The following SLC6A13 variants were observed in gnomAD, a reference collection of about 807,000 sequenced individuals.
SLC6A13 encodes sodium- and chloride-dependent GABA transporter 2.
In SLC6A13, 69 loss-of-function variants were observed where a neutral mutation model predicts 72.9. The ratio of observed to expected loss-of-function variants is 0.95; its 90% CI spans 0.78 to 1.16. SLC6A13 has a LOEUF of 1.16. Among genes scored for constraint, SLC6A13 ranks in the 50% most tolerant of loss-of-function variants. The probability of loss-of-function intolerance (pLI) is 0.00; values close to 1 mark genes in which losing one functional copy is unlikely to be tolerated. For missense variants in SLC6A13, 735 were observed against 760.5 expected (o/e 0.97, Z 0.39); for synonymous variants, 303 against 303.0 (o/e 1.00, Z 0.00).
At chr12:238,137 T>C in intron 4 of SLC6A13, 127 bp from the exon 5 acceptor site, 1 of 1,549,506 alleles carries the variant, frequency 6.5e-7, no homozygotes, top group Non-Finnish European at 8.7e-7. Context: ...AGGCTAAGGT[T>C]ATCTGTACAA....
At position 223,412 on chromosome 12, in the gene SLC6A13, C is replaced by T. The variant is rs555673341; in HGVS notation, c.1312-178G>A. On this transcript the variant is annotated intron_variant, in intron 11 of 14. Transcript: ENST00000343164. ...CATAAAGCATGAGGCGGATATGAGA[C>T]GCTAATTATTTTTATTATTTTTTGG... Among the ~76,000 whole-genome samples, 25 of 142,544 alleles carry T rather than the reference C, an allele frequency of 1.8e-4. No homozygotes were observed. In the South Asian group the frequency reaches 3.1e-3, roughly 17 times the overall value. The allele number at this position is 142,544 out of a possible 152,430, so 93.5% of individuals were successfully genotyped here. A position where few individuals can be genotyped will look rare whatever the true frequency, so the allele number is the denominator to read the frequency against.
chr12:235,013 C>T, intron 7 of SLC6A13, 77 bp downstream of exon 7: 1 of 1,566,474 alleles, frequency 6.4e-7, no homozygotes, highest in Non-Finnish European at 8.8e-7. Context: ...GCGGGGGTTC[C>T]CCGTCAGAGT....
At chr12:246,694 A>C (rs1426063419) in intron 2 of SLC6A13, among the ~76,000 whole-genome samples, 1 of 152,180 alleles carries the variant, frequency 6.6e-6, no homozygotes, top group African/African-American at 2.4e-5. Flanking sequence ...AAACTATCTA[A>C]AATAAAACAC....
rs1185922525 is a variant in SLC6A13 at position 259,914 on chromosome 12, C to T, written c.139G>A (p.Gly47Arg). ...ACGTTGCCTAAGCCAATGATCTCCC[C>T]AGCCACTGACAGCACAAACTCCATC... ...NKMEFVLSVA[G>R]EIIGLGNVWR... Residue 47 changes from glycine to arginine, a missense_variant, in exon 2 of 15, where the codon GGG becomes AGG. Coordinates refer to ENST00000343164, the MANE Select transcript of SLC6A13 (RefSeq NM_016615.5). 2 of 1,614,212 alleles carry T rather than the reference C, an allele frequency of 1.2e-6. No individual in the cohort carries two copies. Among genetic ancestry groups the T allele is most frequent in the Admixed American group, 1.7e-5 (1 of 60,022 alleles).
rs2137253022 is a variant in SLC6A13, at chr12:224,492, G to A, written c.1082C>T (p.Ala361Val). The A allele has an allele frequency of 1.2e-6, 2 of 1,614,108 alleles. No individual in the cohort carries two copies. The highest frequency in any genetic ancestry group is 1.7e-6 in the Non-Finnish European group (2 of 1,180,034). ...CAGCATCACCACAGCCCGCGGGTAA[G>A]CGATGAAAGCCAGGCCAGGGCCTAC... The part of the protein sequence containing the change: ...AESGPGLAFI[A>V]YPRAVVMLPF... Residue 361 changes from alanine (A) to valine (V), a missense_variant, in exon 10 of 15, where the codon GCT becomes GTT. Transcript: ENST00000343164.
intron 9 of SLC6A13, among the ~76,000 whole-genome samples, chr12:225,507 G>A (rs565569897): frequency 2.6e-4 from 40 of 152,238 alleles, no homozygotes; most frequent in Non-Finnish European, 1.5e-4. Flanking sequence ...AAAATTAGCC[G>A]GGCGTGGTGG....
At chr12:236,347 A>G (rs1941931148) in intron 6 of SLC6A13, among the ~76,000 whole-genome samples, 1 of 152,300 alleles carries the variant, frequency 6.6e-6, no homozygotes, top group East Asian at 1.9e-4. Context: ...TGTCACCCCC[A>G]GCGGCCCAGC....
chr12:224,191 C>A, intron 10 of SLC6A13, 62 bp from the exon 11 acceptor site: 1 of 1,597,846 alleles, frequency 6.3e-7, no homozygotes. Flanking sequence ...TGTCCATGAG[C>A]GCTGGCTTCT....
chr12:262,715 A>C (rs1942967623), intron 1 of SLC6A13, 74 bp downstream of exon 1: 1 of 984,850 alleles, frequency 1.0e-6, no homozygotes, highest in Non-Finnish European at 1.2e-6. Context: ...CTTTGGTTGT[A>C]AGTCCCATGG....
intron 1 of SLC6A13, among the ~76,000 whole-genome samples, chr12:261,455 T>C (rs530797139): frequency 2.8e-4 from 43 of 152,344 alleles, no homozygotes; most frequent in Non-Finnish European, 5.3e-4. Flanking sequence ...CTGGTGTGTC[T>C]ACTAAAAGCA....
chr12:255,223 A>G (rs1236550241), intron 2 of SLC6A13, among the ~76,000 whole-genome samples: 3 of 152,192 alleles, frequency 2.0e-5, no homozygotes, highest in Admixed American at 2.0e-4. Context: ...ACCAGGGTCC[A>G]GGGAGCTGGA....
intron 4 of SLC6A13, chr12:238,292 G>T: frequency 7.0e-7 from 1 of 1,422,126 alleles, no homozygotes; most frequent in Non-Finnish European, 9.3e-7. Flanking sequence ...CAGGTCAGCT[G>T]CTTCAAGGCA....
chr12:262,587 G>A (rs1297867320), intron 1 of SLC6A13: 1 of 480,410 alleles, frequency 2.1e-6, no homozygotes, highest in Non-Finnish European at 2.7e-6. Flanking sequence ...AAATCACAGT[G>A]TCACTTAAGT....
chr12:224,071 C>A lies in SLC6A13; in HGVS notation c.1232G>T (p.Arg411Leu). Residue 411 changes from arginine to leucine, a missense_variant, in exon 11 of 15, where the codon CGC becomes CTC. Coordinates refer to ENST00000343164, the MANE Select transcript of SLC6A13 (RefSeq NM_016615.5). ...GAGGACTTCCCTCCGGTTCTTCTTG[C>A]GGAACACGTGAGGGTACATGTCCAC... is the stretch of plus-strand genomic sequence containing the variant. Reference protein sequence around the residue: ...ALVDMYPHVFRKKNRREVLIL... With the variant: ...ALVDMYPHVFLKKNRREVLIL... 1.2e-6 allele frequency: 2 copies of A among 1,614,126 alleles called. No homozygotes were observed. Among genetic ancestry groups the A allele is most frequent in the Non-Finnish European group, 1.7e-6 (2 of 1,179,994 alleles).
rs1043897359 is a variant in SLC6A13, at chr12:220,946, C to G, written c.*2G>C. 2 of 1,612,224 alleles carry G rather than the reference C, an allele frequency of 1.2e-6. No homozygotes were observed. The highest frequency in any genetic ancestry group is 1.7e-6 in the Non-Finnish European group (2 of 1,179,904). On this transcript the variant is annotated 3_prime_UTR_variant, in exon 15 of 15. Transcript: ENST00000343164. ...CACAGGCACCATCCAAGGGCCTGCC[C>G]CCTAGCAGTGAGACTCTAGCTCTGT... is the stretch of plus-strand genomic sequence containing the variant.
intron 7 of SLC6A13, among the ~76,000 whole-genome samples, chr12:228,130 G>A (rs551299088): frequency 3.3e-5 from 5 of 152,184 alleles, no homozygotes; most frequent in African/African-American, 1.2e-4. Flanking sequence ...AGCAACCTCT[G>A]TCTAAAGACA....
chr12:221,293 G>A lies in SLC6A13; in HGVS notation c.1686+83C>T. On this transcript the variant is annotated intron_variant, in intron 14 of 14. Coordinates refer to ENST00000343164, the MANE Select transcript of SLC6A13 (RefSeq NM_016615.5). Reference sequence around the variant, plus strand: ...CACTGGCACCTCCACACAACGGTGTGCGCCCTGGCTGGCAGCCCACCTGTC... The same window carrying A: ...CACTGGCACCTCCACACAACGGTGTACGCCCTGGCTGGCAGCCCACCTGTC... The A allele has an allele frequency of 4.2e-6, 6 of 1,423,116 alleles. 1 individual carries two copies. The South Asian group carries it at 6.9e-5, about 16-fold the overall frequency. The allele number at this position is 1,423,116 out of a possible 1,614,324, so 88.2% of individuals were successfully genotyped here. A position where few individuals can be genotyped will look rare whatever the true frequency, so the allele number is the denominator to read the frequency against.
chr12:232,132 C>T (rs190979024), intron 7 of SLC6A13, among the ~76,000 whole-genome samples: 4 of 152,276 alleles, frequency 2.6e-5, no homozygotes, highest in African/African-American at 9.6e-5. Flanking sequence ...AGTAAGCACG[C>T]CCTAGTTGTT....
At chr12:224,262 C>G (rs765894718) in intron 10 of SLC6A13, 133 bp from the exon 11 acceptor site, 1 of 1,404,926 alleles carries the variant, frequency 7.1e-7, no homozygotes, top group Non-Finnish European at 9.9e-7. Flanking sequence ...ATTGTCCTTG[C>G]CTGGTTAGGT....
Sources: allele counts gnomAD v4.1 joint callset (sites outside exome capture counted in the v4.1 genomes callset), GRCh38; gene constraint gnomAD v4.1.1; transcripts MANE v1.5; gene names NCBI Gene and HGNC (gene_info 2026-07-23, HGNC 2026-07-21).